NDUFB6: variants seen among roughly 807,000 people sequenced by gnomAD.
NDUFB6 encodes NADH dehydrogenase [ubiquinone] 1 beta subcomplex subunit 6.
In NDUFB6, 23 loss-of-function variants were observed where a neutral mutation model predicts 17.5. The ratio of observed to expected loss-of-function variants is 1.31; its 90% CI spans 0.94 to 1.86. The LOEUF (loss-of-function observed/expected upper bound fraction) is 1.86, where lower values mean the gene tolerates loss of function less well. NDUFB6 is among the 40% of genes most tolerant of loss of function. The pLI is 0.00. For synonymous variants in NDUFB6, 60 were observed against 53.5 expected (o/e 1.12, Z -0.53); for missense variants, 167 against 153.8 (o/e 1.09, Z -0.46).
chr9:32,554,202 A>G (rs1335933701), intron 3 of NDUFB6, among the ~76,000 whole-genome samples: 2 of 152,248 alleles, frequency 1.3e-5, no homozygotes, highest in Non-Finnish European at 2.9e-5. Context: ...TGTGTTCTCT[A>G]AGTGATAAAG....
At chr9:32,568,748 A>ATATATTTTTTTTTTT (rs1213123923) in intron 2 of NDUFB6, 1 of 114,400 alleles carries the variant, frequency 8.7e-6, no homozygotes, top group Admixed American at 9.2e-5. Context: ...ATATATATAT[A>ATATATTTTTTTTTTT]TTTTTTTTTT....
At position 32,557,162 on chromosome 9, in the gene NDUFB6, CTT is replaced by C. The variant is rs34291462; in HGVS notation, c.318+1746_318+1747del. Reference sequence around the variant, plus strand: ...TGTTAGCCACCGCGCCTGGCCCCCACTTTTTTTTTTTTTTTTTCCCGAGACAG... The same window carrying C: ...TGTTAGCCACCGCGCCTGGCCCCCACTTTTTTTTTTTTTTTCCCGAGACAG... On this transcript the variant is annotated intron_variant, in intron 3 of 3. Coordinates refer to ENST00000379847, the MANE Select transcript of NDUFB6 (RefSeq NM_002493.5). Among the ~76,000 whole-genome samples the C allele has an allele frequency of 8.1e-3, 1,049 of 129,196 alleles. 13 individuals carry two copies. The highest frequency in any genetic ancestry group is 0.025 in the African/African-American group (839 of 33,228). 84.8% of individuals were successfully genotyped at this position (129,196 alleles called of 152,430 possible).
intron 1 of NDUFB6, 108 bp downstream of exon 1, chr9:32,572,773 C>T (rs1821970999): frequency 9.4e-7 from 1 of 1,068,534 alleles, no homozygotes; most frequent in African/African-American, 1.6e-5. Flanking sequence ...TCCCAGAGCA[C>T]TGAGCGTTAT....
At chr9:32,559,282 C>G (rs940600308) in intron 2 of NDUFB6, among the ~76,000 whole-genome samples, 1 of 152,080 alleles carries the variant, frequency 6.6e-6, no homozygotes, top group African/African-American at 2.4e-5. Flanking sequence ...AAGAATATAC[C>G]CTGAATCCAA....
chr9:32,570,097 CCT>C (rs1821906499), intron 2 of NDUFB6, among the ~76,000 whole-genome samples: 1 of 152,138 alleles, frequency 6.6e-6, no homozygotes, highest in Admixed American at 6.6e-5. Flanking sequence ...TTAATACCTG[CCT>C]CACCTCATTC....
chr9:32,569,543 T>A (rs1587651984), intron 2 of NDUFB6, among the ~76,000 whole-genome samples: 1 of 152,184 alleles, frequency 6.6e-6, no homozygotes, highest in East Asian at 1.9e-4. Context: ...AGGCAGCATA[T>A]CAACCTGGCA....
Position 32,553,897 on chromosome 9 carries a change from TTC to T in NDUFB6, c.364_365del (p.Glu122IlefsTer3). On this transcript the variant is annotated frameshift_variant, in exon 4 of 4. Transcript: ENST00000379847. LOFTEE classifies it high-confidence loss of function. ...ETGEVIPPMK[E>X]FPDQHH ...ATCTTTAATGATGTTGATCAGGAAA[TTC>T]TTTCATTGGTGGAATTACTTCTCCA... 6.3e-7 allele frequency: 1 copy of T among 1,597,130 alleles called. No individual in the cohort carries two copies. The highest frequency in any genetic ancestry group is 8.6e-7 in the Non-Finnish European group (1 of 1,165,376).
chr9:32,567,895 A>T (rs1821843997), intron 2 of NDUFB6: 1 of 171,300 alleles, frequency 5.8e-6, no homozygotes, highest in South Asian at 1.9e-4. Flanking sequence ...TAACTGTTCA[A>T]ATAAAAGAAA....
chr9:32,571,651 A>G (rs1239359612), intron 1 of NDUFB6, among the ~76,000 whole-genome samples: 2 of 152,256 alleles, frequency 1.3e-5, no homozygotes, highest in East Asian at 3.8e-4. Context: ...ACACCTATCC[A>G]TTCAAGGAAG....
intron 2 of NDUFB6, among the ~76,000 whole-genome samples, chr9:32,564,733 G>T (rs560297820): frequency 1.2e-4 from 18 of 152,256 alleles, no homozygotes; most frequent in Non-Finnish European, 2.1e-4. Flanking sequence ...TATCTGAGAT[G>T]ATAGTAACTC....
At chr9:32,572,638 T>G (rs960112516) in intron 1 of NDUFB6, among the ~76,000 whole-genome samples, 1 of 152,162 alleles carries the variant, frequency 6.6e-6, no homozygotes, top group African/African-American at 2.4e-5. Flanking sequence ...CTGGAAAACC[T>G]AAGTATTAAA....
intron 3 of NDUFB6, among the ~76,000 whole-genome samples, chr9:32,555,591 C>T (rs755574823): frequency 4.6e-5 from 7 of 152,214 alleles, no homozygotes; most frequent in Non-Finnish European, 8.8e-5. Flanking sequence ...TCTTTTCATG[C>T]TTCTAAATGT....
intron 2 of NDUFB6, chr9:32,566,196 T>A: frequency 2.6e-6 from 2 of 764,388 alleles, no homozygotes; most frequent in South Asian, 2.9e-5. Context: ...TTGTCTGGGG[T>A]TTGTAGATTC....
At chr9:32,554,633 T>G (rs1346080211) in intron 3 of NDUFB6, among the ~76,000 whole-genome samples, 1 of 152,224 alleles carries the variant, frequency 6.6e-6, no homozygotes, top group African/African-American at 2.4e-5. Context: ...TGCCATTCCC[T>G]GACCTGGTAC....
chr9:32,554,185 C>A (rs1007289121), intron 3 of NDUFB6, among the ~76,000 whole-genome samples: 1 of 152,044 alleles, frequency 6.6e-6, no homozygotes, highest in Non-Finnish European at 1.5e-5. Context: ...AAAAAGGGCA[C>A]GAAAATTGTG....
rs1290290624 is a variant in NDUFB6 at position 32,553,960 on chromosome 9, T to TA, written c.319-17dup. ...TTGTATCACCCTAGGAAAACAAAGA[T>TA]ACAGTTAGTACAAAAATCTTAAGTC... On this transcript the variant is annotated splice_polypyrimidine_tract_variant and intron_variant, in intron 3 of 3. Coordinates refer to ENST00000379847, the MANE Select transcript of NDUFB6 (RefSeq NM_002493.5). The TA allele has an allele frequency of 1.3e-6, 2 of 1,505,490 alleles. No individual in the cohort carries two copies. Among genetic ancestry groups the TA allele is most frequent in the Non-Finnish European group, 1.8e-6 (2 of 1,088,462 alleles). The allele number at this position is 1,505,490 out of a possible 1,614,324, so 93.3% of individuals were successfully genotyped here.
At chr9:32,562,410 G>A (rs942333691) in intron 2 of NDUFB6, among the ~76,000 whole-genome samples, 2 of 152,166 alleles carry the variant, frequency 1.3e-5, no homozygotes, top group African/African-American at 4.8e-5. Flanking sequence ...CACAATCAAA[G>A]AGAGTAAGTT....
chr9:32,564,409 C>G (rs1346595666), intron 2 of NDUFB6, among the ~76,000 whole-genome samples: 1 of 152,058 alleles, frequency 6.6e-6, no homozygotes, highest in African/African-American at 2.4e-5. Flanking sequence ...GTTTTAGCAA[C>G]CCCGAGACAA....
intron 3 of NDUFB6, among the ~76,000 whole-genome samples, chr9:32,557,147 C>T (rs1383852998): frequency 5.5e-5 from 8 of 145,252 alleles, no homozygotes; most frequent in African/African-American, 7.6e-5. Context: ...TGTTAGCCAC[C>T]GCGCCTGGCC....
Sources: gnomAD v4.1 joint callset for allele counts (sites outside exome capture counted in the v4.1 genomes callset) on GRCh38, gnomAD v4.1.1 for gene constraint, MANE v1.5 for transcripts, NCBI Gene and HGNC (gene_info 2026-07-23, HGNC 2026-07-21) for gene names.